The following WBP2 variants were observed in gnomAD, a reference collection of about 807,000 sequenced individuals.
WBP2 encodes the protein WW domain-binding protein 2.
Under a neutral mutation model 33.0 loss-of-function variants are expected in WBP2, and 23 were observed. That is an observed-to-expected ratio of 0.70 (90% CI 0.50 to 0.99). WBP2 has a LOEUF of 0.99. Ranked by LOEUF, WBP2 falls within the 50% of genes least tolerant of loss-of-function variation. The probability of loss-of-function intolerance (pLI) is 0.00; values close to 1 mark genes in which losing one functional copy is unlikely to be tolerated. For synonymous variants in WBP2, 153 were observed against 133.5 expected, an observed-to-expected ratio of 1.15 and a Z score of -1.01; for missense variants, 353 against 358.0, an observed-to-expected ratio of 0.99 and a Z score of 0.11.
At chr17:75,855,367 T>C (rs1031288923), upstream of WBP2, 1 of 1,561,276 alleles carries the variant, frequency 6.4e-7, no homozygotes, top group Non-Finnish European at 8.8e-7. Context: ...CCGCCCCTAG[T>C]GGCGTCTTCT....
intron 1 of WBP2, among the ~76,000 whole-genome samples, chr17:75,853,067 G>A (rs1019701903): frequency 6.6e-6 from 1 of 151,782 alleles, no homozygotes; most frequent in Non-Finnish European, 1.5e-5. Flanking sequence ...TTTTTGAGAC[G>A]GAGTTTCACT....
intron 1 of WBP2, chr17:75,852,766 T>C: frequency 1.0e-6 from 1 of 985,140 alleles, no homozygotes; most frequent in Non-Finnish European, 1.2e-6. Context: ...ACTCTTCTAT[T>C]TTCTTTTAAG....
At chr17:75,850,241 T>A (rs1032513408) in intron 2 of WBP2, among the ~76,000 whole-genome samples, 36 of 96,554 alleles carry the variant, frequency 3.7e-4, no homozygotes, top group African/African-American at 1.4e-3. Flanking sequence ...TTATTTTTTC[T>A]TTTCTTTTCT....
At chr17:75,855,469 A>C, upstream of WBP2, 1 of 657,052 alleles carries the variant, frequency 1.5e-6, no homozygotes, top group Non-Finnish European at 2.7e-6. Context: ...CCCTCCTTCC[A>C]GTTCCTCCTG....
chr17:75,846,204 G>T lies in WBP2; in HGVS notation c.*530C>A. On this transcript the variant is annotated 3_prime_UTR_variant, in exon 8 of 8. Transcript: ENST00000254806. This position sits in a 1 kb window ranked among gnomAD's most constrained non-coding sequence, Gnocchi z 4.8. Reference sequence around the variant, plus strand: ...TGGCAACAACATGACCCAGGACAGGGAAGGGAAGGAAGGGTGGCGGGGGCT... The same window carrying T: ...TGGCAACAACATGACCCAGGACAGGTAAGGGAAGGAAGGGTGGCGGGGGCT... 1 of 161,154 alleles carries T rather than the reference G, an allele frequency of 6.2e-6. No individual in the cohort carries two copies. The highest frequency in any genetic ancestry group is 1.4e-5 in the Non-Finnish European group (1 of 72,612). The allele number at this position is 161,154 out of a possible 1,614,324, so 10.0% of individuals were successfully genotyped here.
chr17:75,854,616 T>A (rs1438487442), intron 1 of WBP2, among the ~76,000 whole-genome samples: 1 of 152,236 alleles, frequency 6.6e-6, no homozygotes, highest in Non-Finnish European at 1.5e-5. Context: ...CTGTTTAATT[T>A]CACCTCTGGG....
chr17:75,847,800 T>TG lies in WBP2; in HGVS notation c.527dup (p.Pro177ThrfsTer2). Reference sequence around the variant, plus strand: ...GGCAGCAAAGGACACACTCACCAGGTGGGGGCGGTGGATAGGGGTAGCCAG... The same window carrying TG: ...GGCAGCAAAGGACACACTCACCAGGTGGGGGGCGGTGGATAGGGGTAGCCAG... On this transcript the variant is annotated frameshift_variant, in exon 5 of 8. Transcript: ENST00000254806. LOFTEE classifies it high-confidence loss of function. 1 of 1,547,246 alleles carries TG rather than the reference T, an allele frequency of 6.5e-7. No individual in the cohort carries two copies. The highest frequency in any genetic ancestry group is 8.7e-7 in the Non-Finnish European group (1 of 1,145,626).
intron 1 of WBP2, among the ~76,000 whole-genome samples, chr17:75,853,084 G>A (rs937650632): frequency 2.6e-5 from 4 of 151,844 alleles, no homozygotes; most frequent in African/African-American, 9.7e-5. Flanking sequence ...CACTCTTGTT[G>A]CCCAGGCTGC....
intron 3 of WBP2, 147 bp downstream of exon 3, chr17:75,849,457 A>AC (rs2065014767): frequency 9.9e-7 from 1 of 1,009,958 alleles, no homozygotes; most frequent in East Asian, 2.5e-5. Context: ...TGGCAATCAA[A>AC]CCCCACCAGC....
At position 75,847,570 on chromosome 17, in the gene WBP2, C is replaced by G; in HGVS notation, c.572G>C (p.Gly191Ala). ...PGPPMMDGAM[G>A]YVQPPPPPYP... ...GGGCGGTGGTGGGGGCTGCACGTAT[C>G]CCATGGCCCCGTCCATCATGGGGGG... The change falls in exon 6 of 8, where the codon GGA (glycine) becomes GCA (alanine). Residue 191 changes from glycine to alanine, a missense_variant. Gly to Ala is a moderately conservative substitution (Grantham distance 60). Coordinates refer to ENST00000254806, the MANE Select transcript of WBP2 (RefSeq NM_012478.4). The G allele has an allele frequency of 1.2e-6, 2 of 1,608,866 alleles. No homozygotes were observed. Among genetic ancestry groups the G allele is most frequent in the Non-Finnish European group, 1.7e-6 (2 of 1,177,316 alleles).
Position 75,846,404 on chromosome 17 carries a change from C to T in WBP2, c.*330G>A, listed in dbSNP as rs981501525. 5.8e-5 allele frequency: 24 copies of T among 411,602 alleles called. No individual in the cohort carries two copies. The highest frequency in any genetic ancestry group is 1.6e-4 in the East Asian group (3 of 18,226). The allele number at this position is 411,602 out of a possible 1,614,324, so 25.5% of individuals were successfully genotyped here. A position where few individuals can be genotyped will look rare whatever the true frequency, so the allele number is the denominator to read the frequency against. On this transcript the variant is annotated 3_prime_UTR_variant, in exon 8 of 8. Transcript: ENST00000254806. This position sits in a 1 kb window ranked among gnomAD's most constrained non-coding sequence, Gnocchi z 4.8. ...GTGCCAGACTGAGGGAGCTGGACTG[C>T]GGTGGAGGAGGTGGCCAGAGAGTCC...
intron 3 of WBP2, 93 bp from the exon 4 acceptor site, chr17:75,848,755 G>A (rs1238573312): frequency 1.6e-5 from 18 of 1,146,258 alleles, no homozygotes; most frequent in South Asian, 2.6e-5. Flanking sequence ...TTCATCCAAC[G>A]CCCGGGAGGC....
At chr17:75,849,491 G>T in intron 3 of WBP2, 113 bp downstream of exon 3, 1 of 1,379,588 alleles carries the variant, frequency 7.2e-7, no homozygotes, top group Non-Finnish European at 1.0e-6. Flanking sequence ...CTGGGAAGAG[G>T]TCATGGCTAG....
chr17:75,853,839 T>A (rs142773476), intron 1 of WBP2, among the ~76,000 whole-genome samples: 1 of 151,006 alleles, frequency 6.6e-6, no homozygotes, highest in Non-Finnish European at 1.5e-5. Context: ...AGGTCAGGAG[T>A]TCGAGACCAG....
At chr17:75,855,185 ACT>A in intron 1 of WBP2, 52 bp downstream of exon 1, 4 of 301,076 alleles carry the variant, frequency 1.3e-5, no homozygotes, top group Non-Finnish European at 2.1e-5. Context: ...CCCACCGCCC[ACT>A]TCCTCGACAC....
At chr17:75,847,752 G>A in intron 5 of WBP2, 44 bp downstream of exon 5, 1 of 1,538,228 alleles carries the variant, frequency 6.5e-7, no homozygotes, top group Non-Finnish European at 8.8e-7. Context: ...AGCCTGGGTA[G>A]GTGGGCTCAT....
Position 75,849,589 on chromosome 17 carries a change from G to A in WBP2, c.304+15C>T. 5.0e-6 allele frequency: 8 copies of A among 1,613,842 alleles called. No individual in the cohort carries two copies. Among genetic ancestry groups the A allele is most frequent in the Non-Finnish European group, 6.8e-6 (8 of 1,179,816 alleles). ...CTGCAGGCCCCATGCGTGTCCCTGA[G>A]TTCCCATCACCTACCTCCCGCTTCC... On this transcript the variant is annotated intron_variant, in intron 3 of 7. Transcript: ENST00000254806.
intron 2 of WBP2, among the ~76,000 whole-genome samples, chr17:75,850,204 G>A (rs2065019549): frequency 6.6e-6 from 1 of 152,028 alleles, no homozygotes; most frequent in African/African-American, 2.4e-5. Context: ...CTCTCCTGGA[G>A]CCTGTGCCTG....
Position 75,846,899 on chromosome 17 carries a change from CCCTCTCA to C in WBP2, c.732+2_732+8del, listed in dbSNP as rs2064995954. 2 of 1,613,964 alleles carry C rather than the reference CCCTCTCA, an allele frequency of 1.2e-6. No homozygotes were observed. The highest frequency in any genetic ancestry group is 3.3e-5 in the Admixed American group (2 of 59,986). On this transcript the variant is annotated splice_donor_variant and splice_donor_5th_base_variant and intron_variant, in intron 7 of 7. Transcript: ENST00000254806. LOFTEE classifies it high-confidence loss of function. This position sits in a 1 kb window ranked among gnomAD's most constrained non-coding sequence, Gnocchi z 4.8. ...GTGGGGCTGCACCGGCACTGCCAAG[CCCTCTCA>C]CCGTGGGCATGTAGACGTTGTGAGG...
Sources: gnomAD v4.1 joint callset for allele counts (sites outside exome capture counted in the v4.1 genomes callset) on GRCh38, gnomAD v4.1.1 for gene constraint, Gnocchi (gnomAD v3.1) non-coding constraint, MANE v1.5 for transcripts, NCBI Gene and HGNC (gene_info 2026-07-23, HGNC 2026-07-21) for gene names.